TLL1: variants seen among roughly 807,000 people sequenced by gnomAD.
TLL1 encodes the protein tolloid-like protein 1.
Under a neutral mutation model 128.2 loss-of-function variants are expected in TLL1, and 49 were observed. The ratio of observed to expected loss-of-function variants is 0.38; its 90% confidence interval spans 0.30 to 0.48. The LOEUF (loss-of-function observed/expected upper bound fraction) is 0.48, where lower values mean the gene tolerates loss of function less well. TLL1 is among the 20% of genes least tolerant of loss of function. TLL1 has a pLI of 0.96. For synonymous variants in TLL1, 454 were observed against 418.8 expected (o/e 1.08, Z -1.03); for missense variants, 1,123 against 1,242.0 (o/e 0.90, Z 1.44).
chr4:165,941,974 T>C (rs1393411898), intron 1 of TLL1, among the ~76,000 whole-genome samples: 1 of 152,092 alleles, frequency 6.6e-6, no homozygotes, highest in Admixed American at 6.6e-5. Context: ...GTCAATCTTG[T>C]GTTTTAAGTT....
At chr4:165,961,259 A>G (rs1735085772) in intron 1 of TLL1, among the ~76,000 whole-genome samples, 1 of 152,178 alleles carries the variant, frequency 6.6e-6, no homozygotes, top group African/African-American at 2.4e-5. Context: ...AATACACCTT[A>G]CAAAGGAGGT....
At chr4:166,066,438 C>T (rs1291638996) in intron 16 of TLL1, among the ~76,000 whole-genome samples, 1 of 151,600 alleles carries the variant, frequency 6.6e-6, no homozygotes, top group Admixed American at 6.6e-5. Context: ...ATATAAAAAA[C>T]CAAGACATTT....
At position 166,042,143 on chromosome 4, in the gene TLL1, G is replaced by C. The variant is rs772090014; in HGVS notation, c.1378G>C (p.Ala460Pro). The stretch of plus-strand genomic sequence containing the variant: ...AAAAGGCTTTGCAGCTGTCTATGAA[G>C]GTAAGTCACATTGAATTTTAGAGAG... ...VGKGFAAVYE[A>P]ICGGEIRKNE... The change falls in exon 11 of 21, where the codon GCG (alanine) becomes CCG (proline). Residue 460 changes from alanine (A) to proline (P), a missense_variant and splice_region_variant. By Grantham distance (27) the Ala-to-Pro change is conservative (BLOSUM62 -1). Coordinates refer to ENST00000061240, the MANE Select transcript of TLL1 (RefSeq NM_012464.5). 3.1e-6 allele frequency: 5 copies of C among 1,597,108 alleles called. No individual in the cohort carries two copies. Among genetic ancestry groups the C allele is most frequent in the Non-Finnish European group, 4.3e-6 (5 of 1,165,360 alleles).
At chr4:166,071,923 C>A (rs1464142900) in intron 16 of TLL1, among the ~76,000 whole-genome samples, 2 of 151,970 alleles carry the variant, frequency 1.3e-5, no homozygotes, top group African/African-American at 4.8e-5. Context: ...TACTACTCCG[C>A]AGACAAATTA....
intron 7 of TLL1, among the ~76,000 whole-genome samples, chr4:166,009,968 C>G (rs181631979): frequency 3.3e-5 from 5 of 151,458 alleles, no homozygotes; most frequent in African/African-American, 1.2e-4. Flanking sequence ...ACCTATTAAA[C>G]AACTTCTCTT....
chr4:165,918,759 T>G (rs1307448666), intron 1 of TLL1, among the ~76,000 whole-genome samples: 1 of 152,044 alleles, frequency 6.6e-6, no homozygotes, highest in Non-Finnish European at 1.5e-5. Context: ...TTTGTGAGGG[T>G]CCCCAAAACC....
chr4:166,030,836 T>A, intron 9 of TLL1: 1 of 1,009,874 alleles, frequency 9.9e-7, no homozygotes, highest in Non-Finnish European at 1.2e-6. Context: ...TTTTTTAAAT[T>A]AGCGTTTTTG....
chr4:165,879,574 A>G (rs1200907997), intron 1 of TLL1, among the ~76,000 whole-genome samples: 1 of 152,144 alleles, frequency 6.6e-6, no homozygotes, highest in Non-Finnish European at 1.5e-5. Context: ...TCATTTTAGA[A>G]TATTACTTAT....
rs747734797 is a variant in TLL1, at chr4:166,051,285, T to TC, written c.1525-3790dup. Among the ~76,000 whole-genome samples, 68 of 136,474 alleles carry TC rather than the reference T, an allele frequency of 5.0e-4. 1 individual carries two copies. The highest frequency in any genetic ancestry group is 9.5e-4 in the Non-Finnish European group (61 of 64,546). 89.5% of individuals were successfully genotyped at this position (136,474 alleles called of 152,430 possible). On this transcript the variant is annotated intron_variant, in intron 12 of 20. Coordinates refer to ENST00000061240, the MANE Select transcript of TLL1 (RefSeq NM_012464.5). ...CTCCTCCCTCCCTCCCTCCCTTCTTTCTTCCCTCCCTCCTTTCCTTCCTTC... is the reference window on the plus strand; with the variant it reads ...CTCCTCCCTCCCTCCCTCCCTTCTTTCCTTCCCTCCCTCCTTTCCTTCCTTC...
Position 166,065,802 on chromosome 4 carries a change from A to G in TLL1, c.2127A>G (p.Arg709=), listed in dbSNP as rs1424445198. ...TCACATCCCAGTTCAACAATATGAG[A>G]ATTGAATTCAAATCTGACAATACTG... ...EVITSQFNNM[R]IEFKSDNTVS... Residue 709 remains arginine (R), a synonymous_variant, in exon 16 of 21, where the codon AGA becomes AGG. Transcript: ENST00000061240. 1.2e-6 allele frequency: 2 copies of G among 1,612,920 alleles called. No individual in the cohort carries two copies.
intron 1 of TLL1, among the ~76,000 whole-genome samples, chr4:165,981,551 T>C (rs906629099): frequency 1.3e-5 from 2 of 152,098 alleles, no homozygotes; most frequent in Non-Finnish European, 2.9e-5. Flanking sequence ...ATGTCAGTTC[T>C]AAATATGTAA....
At chr4:165,937,527 C>A (rs1432383860) in intron 1 of TLL1, among the ~76,000 whole-genome samples, 1 of 152,150 alleles carries the variant, frequency 6.6e-6, no homozygotes, top group Non-Finnish European at 1.5e-5. Flanking sequence ...TTATAGCTGT[C>A]ACATACAATA....
intron 1 of TLL1, among the ~76,000 whole-genome samples, chr4:165,942,218 T>C (rs1734047722): frequency 6.6e-6 from 1 of 152,050 alleles, no homozygotes; most frequent in Non-Finnish European, 1.5e-5. Flanking sequence ...AGTGAGCCAT[T>C]TTATATCTGT....
At chr4:165,939,221 G>T (rs1211202143) in intron 1 of TLL1, among the ~76,000 whole-genome samples, 1 of 151,866 alleles carries the variant, frequency 6.6e-6, no homozygotes, top group East Asian at 1.9e-4. Flanking sequence ...TTCTTGGTGT[G>T]GTTTTCTACT....
At chr4:165,957,261 C>T (rs998567121) in intron 1 of TLL1, among the ~76,000 whole-genome samples, 17 of 152,032 alleles carry the variant, frequency 1.1e-4, no homozygotes, top group African/African-American at 3.9e-4. Context: ...CAAAGAAGGG[C>T]ATTACATAGT....
Position 165,936,951 on chromosome 4 carries a change from G to A in TLL1, c.170-52430G>A, listed in dbSNP as rs113407893. Among the ~76,000 whole-genome samples the A allele has an allele frequency of 6.7e-3, 1,019 of 152,032 alleles. 9 individuals carry two copies. Among genetic ancestry groups the A allele is most frequent in the African/African-American group, 0.023 (963 of 41,484 alleles). On this transcript the variant is annotated intron_variant, in intron 1 of 20. Transcript: ENST00000061240. ...CCATCTCAAACAAAAAGCAAAAAAC[G>A]AAAGACACCCAGAAATGTAGAAACC...
At chr4:166,009,072 A>C (rs1045222795) in intron 7 of TLL1, among the ~76,000 whole-genome samples, 1 of 151,514 alleles carries the variant, frequency 6.6e-6, no homozygotes, top group African/African-American at 2.4e-5. Flanking sequence ...CATTATTTAT[A>C]GACATACGCA....
intron 1 of TLL1, among the ~76,000 whole-genome samples, chr4:165,882,865 GCC>G (rs150449878): frequency 0.019 from 2,816 of 151,934 alleles, 70 homozygotes; most frequent in East Asian, 0.1. Flanking sequence ...TGATCTGCCT[GCC>G]TCAGCTTCTA....
At chr4:166,060,455 A>G (rs1481312281) in intron 15 of TLL1, among the ~76,000 whole-genome samples, 1 of 152,108 alleles carries the variant, frequency 6.6e-6, no homozygotes, top group Non-Finnish European at 1.5e-5. Context: ...TTAAATAACT[A>G]TGGAGTATTT....
Sources: gnomAD v4.1 joint callset for allele counts (sites outside exome capture counted in the v4.1 genomes callset) on GRCh38, gnomAD v4.1.1 for gene constraint, MANE v1.5 for transcripts, NCBI Gene and HGNC (gene_info 2026-07-23, HGNC 2026-07-21) for gene names.